The following NELL1 variants were observed in gnomAD, a reference collection of about 807,000 sequenced individuals.
The protein encoded by NELL1 is protein kinase C-binding protein NELL1.
Under a neutral mutation model 107.4 loss-of-function variants are expected in NELL1, and 76 were observed. The ratio of observed to expected loss-of-function variants is 0.71; its 90% CI spans 0.59 to 0.86. NELL1 has a LOEUF of 0.86. Among genes scored for constraint, NELL1 ranks in the 40% least tolerant of loss-of-function variants. The pLI is 0.00. For missense variants in NELL1, 1,024 were observed against 1,005.5 expected (o/e 1.02, Z -0.25); for synonymous variants, 353 against 341.2 (o/e 1.03, Z -0.38).
chr11:21,378,406 AT>A lies in NELL1; in HGVS notation c.1645+7460del, dbSNP rs1851531318. Among the ~76,000 whole-genome samples, 3 of 151,800 alleles carry A rather than the reference AT, an allele frequency of 2.0e-5. No homozygotes were observed. In the South Asian group the frequency reaches 6.2e-4, roughly 32 times the overall value. ...TTAGAAGTACTTAGGGTTTACTGTGATTAGAAAATGCTTAACCATTCAAGAG... is the reference window on the plus strand; with the variant it reads ...TTAGAAGTACTTAGGGTTTACTGTGATAGAAAATGCTTAACCATTCAAGAG... On this transcript the variant is annotated intron_variant, in intron 15 of 19. Coordinates refer to ENST00000357134, the MANE Select transcript of NELL1 (RefSeq NM_006157.5).
At chr11:20,880,352 A>T (rs1720472) in intron 4 of NELL1, among the ~76,000 whole-genome samples, 4 of 152,200 alleles carry the variant, frequency 2.6e-5, no homozygotes, top group African/African-American at 9.7e-5. Context: ...GACTTACACA[A>T]TGTCAGCACA....
At chr11:21,119,412 T>C (rs942641282) in intron 13 of NELL1, among the ~76,000 whole-genome samples, 11 of 151,052 alleles carry the variant, frequency 7.3e-5, no homozygotes, top group Middle Eastern at 3.4e-3. Flanking sequence ...GGATTATATA[T>C]ATGGGATAAT....
intron 12 of NELL1, among the ~76,000 whole-genome samples, chr11:21,047,168 G>A (rs1013427218): frequency 1.3e-5 from 2 of 152,094 alleles, no homozygotes; most frequent in Non-Finnish European, 2.9e-5. Flanking sequence ...TATGAGAAAT[G>A]TTGCTCTTGG....
intron 13 of NELL1, among the ~76,000 whole-genome samples, chr11:21,123,366 T>C (rs1516766): frequency 0.094 from 13,953 of 148,278 alleles, 1,200 homozygotes; most frequent in African/African-American, 0.21. Context: ...TGTGTGTGTG[T>C]GCGTTTCCAT....
intron 16 of NELL1, among the ~76,000 whole-genome samples, chr11:21,550,928 G>A (rs1431077147): frequency 6.6e-6 from 1 of 151,250 alleles, no homozygotes; most frequent in East Asian, 1.9e-4. Context: ...AAATTACCTT[G>A]GGCAGTATGG....
At chr11:20,814,215 C>T (rs1033432581) in intron 3 of NELL1, among the ~76,000 whole-genome samples, 5 of 152,190 alleles carry the variant, frequency 3.3e-5, no homozygotes, top group East Asian at 3.9e-4. Context: ...AGGATGGTCT[C>T]GATCTCCTGA....
At chr11:21,440,933 C>G (rs1853266806) in intron 15 of NELL1, among the ~76,000 whole-genome samples, 1 of 151,994 alleles carries the variant, frequency 6.6e-6, no homozygotes, top group Non-Finnish European at 1.5e-5. Context: ...AGACTTTTAC[C>G]TCTAACAACT....
In NELL1 at chr11:21,017,756, TAG is replaced by T. The variant is rs1852602503; in HGVS notation, c.1300+57199_1300+57200del. Among the ~76,000 whole-genome samples the T allele has an allele frequency of 3.9e-5, 6 of 152,242 alleles. No individual in the cohort carries two copies. In the South Asian group the frequency reaches 1.2e-3, roughly 32 times the overall value. ...ATAATATATCCATTCCTTATTTTAT[TAG>T]AGGAATACTATTTCTAAATGCAAAC... On this transcript the variant is annotated intron_variant, in intron 12 of 19. Coordinates refer to ENST00000357134, the MANE Select transcript of NELL1 (RefSeq NM_006157.5).
intron 15 of NELL1, among the ~76,000 whole-genome samples, chr11:21,525,959 A>C (rs143347403): frequency 1.3e-5 from 2 of 152,254 alleles, no homozygotes; most frequent in East Asian, 1.9e-4. Flanking sequence ...ATGTTCTCAC[A>C]TTTCAAAACC....
intron 15 of NELL1, among the ~76,000 whole-genome samples, chr11:21,413,681 G>C (rs183184598): frequency 3.5e-4 from 53 of 152,110 alleles, no homozygotes; most frequent in South Asian, 1.9e-3. Context: ...TGGCCCAACT[G>C]CATGGTCACC....
chr11:21,090,564 T>C (rs1350037785), intron 12 of NELL1, among the ~76,000 whole-genome samples: 1 of 152,170 alleles, frequency 6.6e-6, no homozygotes. Context: ...GTTGAGCTCA[T>C]GGAAAGACCT....
At chr11:21,102,961 G>A (rs1006986027) in intron 12 of NELL1, among the ~76,000 whole-genome samples, 5 of 152,134 alleles carry the variant, frequency 3.3e-5, no homozygotes, top group Admixed American at 1.3e-4. Flanking sequence ...TTGGAATTGG[G>A]AATAAGGTTG....
At chr11:21,441,135 C>T (rs1053266575) in intron 15 of NELL1, among the ~76,000 whole-genome samples, 1 of 152,136 alleles carries the variant, frequency 6.6e-6, no homozygotes, top group East Asian at 1.9e-4. Context: ...CTGACACCAA[C>T]ACAGAACTGG....
chr11:21,101,312 T>A (rs924988320), intron 12 of NELL1, among the ~76,000 whole-genome samples: 7 of 152,234 alleles, frequency 4.6e-5, no homozygotes, highest in South Asian at 2.1e-4. Context: ...TGTGCATGTG[T>A]CTTTATAGCA....
intron 13 of NELL1, among the ~76,000 whole-genome samples, chr11:21,122,697 T>C (rs758131240): frequency 4.7e-4 from 72 of 152,324 alleles, no homozygotes; most frequent in Non-Finnish European, 7.3e-4. Context: ...AGAAAGCTAT[T>C]TAAATTCTCT....
chr11:21,132,233 A>C (rs1004840267), intron 13 of NELL1, among the ~76,000 whole-genome samples: 1 of 151,880 alleles, frequency 6.6e-6, no homozygotes, highest in Non-Finnish European at 1.5e-5. Context: ...TTGTATATGC[A>C]CGCGTGCACA....
rs575365535 is a variant in NELL1, at chr11:21,273,935, C to T, written c.1549+44481C>T. 9.9e-5 allele frequency among the ~76,000 whole-genome samples: 15 copies of T among 152,252 alleles called. No individual in the cohort carries two copies. In the East Asian group the frequency reaches 2.9e-3, roughly 29 times the overall value. ...CATAGAAAGGAACAACCAGTACCAG[C>T]CACTGCAAAAACATGCCAAATTGTA... On this transcript the variant is annotated intron_variant, in intron 14 of 19. Transcript: ENST00000357134.
intron 12 of NELL1, among the ~76,000 whole-genome samples, chr11:21,037,040 AT>A (rs1853109477): frequency 6.6e-6 from 1 of 151,948 alleles, no homozygotes; most frequent in African/African-American, 2.4e-5. Flanking sequence ...AGCAGCAATT[AT>A]CATAGGGATC....
intron 13 of NELL1, among the ~76,000 whole-genome samples, chr11:21,147,092 C>T (rs564212896): frequency 5.9e-5 from 9 of 152,208 alleles, no homozygotes; most frequent in East Asian, 3.9e-4. Flanking sequence ...TGAGAGATTC[C>T]GATGCATTAG....
Sources: gnomAD v4.1 joint callset for allele counts (sites outside exome capture counted in the v4.1 genomes callset) on GRCh38, gnomAD v4.1.1 for gene constraint, MANE v1.5 for transcripts, NCBI Gene and HGNC (gene_info 2026-07-23, HGNC 2026-07-21) for gene names.